Variants in THSD7B observed in about 807,000 individuals in gnomAD.
The protein encoded by THSD7B is thrombospondin type-1 domain-containing protein 7B.
THSD7B carries 138 observed loss-of-function variants against 213.6 expected under a neutral mutation model. The observed-to-expected ratio is 0.65, with a 90% CI of 0.56 to 0.74. The LOEUF (loss-of-function observed/expected upper bound fraction) is 0.74, where lower values mean the gene tolerates loss of function less well. Among genes scored for constraint, THSD7B ranks in the 30% least tolerant of loss-of-function variants. THSD7B has a pLI of 0.00. For synonymous variants in THSD7B, 742 were observed against 687.0 expected (o/e 1.08, Z -1.25); for missense variants, 1,931 against 1,991.5 (o/e 0.97, Z 0.58).
At chr2:137,236,354 A>G (rs1681763376) in intron 9 of THSD7B, among the ~76,000 whole-genome samples, 1 of 152,206 alleles carries the variant, frequency 6.6e-6, no homozygotes, top group Non-Finnish European at 1.5e-5. Flanking sequence ...TTTGGTTTCC[A>G]TGTAATTGTA....
intron 7 of THSD7B, among the ~76,000 whole-genome samples, chr2:137,190,530 AC>A (rs1388885004): frequency 2.0e-5 from 3 of 151,934 alleles, no homozygotes; most frequent in African/African-American, 7.3e-5. Flanking sequence ...CTTTTTCTGA[AC>A]CCATCGACTT....
intron 7 of THSD7B, among the ~76,000 whole-genome samples, chr2:137,197,282 A>G (rs1264577921): frequency 6.6e-6 from 1 of 152,158 alleles, no homozygotes; most frequent in African/African-American, 2.4e-5. Flanking sequence ...GCAGAGAGAG[A>G]TGGAGGAAGG....
intron 15 of THSD7B, among the ~76,000 whole-genome samples, chr2:137,493,285 C>T (rs1421543966): frequency 4.6e-5 from 7 of 152,106 alleles, no homozygotes; most frequent in East Asian, 1.9e-4. Flanking sequence ...TTACTGAAGA[C>T]GTTTCTTTAT....
Position 137,366,842 on chromosome 2 carries a change from T to C in THSD7B, c.2501-38771T>C, listed in dbSNP as rs1428190274. 2.6e-5 allele frequency among the ~76,000 whole-genome samples: 4 copies of C among 152,166 alleles called. No individual in the cohort carries two copies. In the East Asian group the frequency reaches 7.7e-4, roughly 29 times the overall value. On this transcript the variant is annotated intron_variant, in intron 12 of 27. Coordinates refer to ENST00000409968, the MANE Select transcript of THSD7B (RefSeq NM_001316349.2). ...ATAGCATTTCTATAACTATGTTTTC[T>C]CTTTCTGTTATTTCCTTTGCTATAA...
At chr2:137,005,521 A>G (rs1686087496) in intron 2 of THSD7B, among the ~76,000 whole-genome samples, 1 of 152,182 alleles carries the variant, frequency 6.6e-6, no homozygotes, top group South Asian at 2.1e-4. Flanking sequence ...TGTTGGCATT[A>G]CTGCAGGAAG....
At chr2:137,630,805 G>A (rs563653608) in intron 20 of THSD7B, among the ~76,000 whole-genome samples, 2 of 152,320 alleles carry the variant, frequency 1.3e-5, no homozygotes, top group East Asian at 3.9e-4. Flanking sequence ...ACAGGAAGAG[G>A]TAGAGTTTAT....
intron 13 of THSD7B, among the ~76,000 whole-genome samples, chr2:137,408,093 A>G (rs1573608174): frequency 4.6e-5 from 7 of 152,082 alleles, no homozygotes; most frequent in Admixed American, 3.9e-4. Flanking sequence ...TAATCAAAGT[A>G]AAGGATCACT....
At chr2:137,592,773 C>T (rs937097458) in intron 17 of THSD7B, among the ~76,000 whole-genome samples, 5 of 151,820 alleles carry the variant, frequency 3.3e-5, no homozygotes, top group Non-Finnish European at 7.4e-5. Context: ...AATTTTTTTA[C>T]TTCTTATATT....
chr2:137,647,404 G>T (rs987439984), intron 21 of THSD7B, among the ~76,000 whole-genome samples: 1 of 137,494 alleles, frequency 7.3e-6, no homozygotes, highest in South Asian at 2.2e-4. Context: ...TCCCTACTCC[G>T]ATCTCTCTCT....
At chr2:137,426,680 G>A (rs1390178393) in intron 14 of THSD7B, among the ~76,000 whole-genome samples, 2 of 152,104 alleles carry the variant, frequency 1.3e-5, no homozygotes, top group East Asian at 3.9e-4. Flanking sequence ...TTGAATGTAA[G>A]ACTTGAAGCA....
chr2:137,140,071 G>C (rs1297363161), intron 5 of THSD7B, among the ~76,000 whole-genome samples: 1 of 151,306 alleles, frequency 6.6e-6, no homozygotes, highest in South Asian at 2.1e-4. Flanking sequence ...GTTGAATGTT[G>C]CCTGTCCTAA....
At chr2:137,632,919 A>G (rs1043645148) in intron 20 of THSD7B, among the ~76,000 whole-genome samples, 1 of 152,156 alleles carries the variant, frequency 6.6e-6, no homozygotes, top group Non-Finnish European at 1.5e-5. Context: ...TCTAGGATAA[A>G]AGGGTATCCG....
chr2:137,551,698 A>C (rs942156086), intron 15 of THSD7B, among the ~76,000 whole-genome samples: 1 of 152,216 alleles, frequency 6.6e-6, no homozygotes, highest in African/African-American at 2.4e-5. Flanking sequence ...TTAATATCAA[A>C]ATTGAGAACA....
intron 26 of THSD7B, 82 bp downstream of exon 26, chr2:137,663,657 G>T (rs72844590): frequency 0.13 from 163,990 of 1,241,082 alleles, 12,304 homozygotes; most frequent in Non-Finnish European, 0.15. Context: ...TGGAAAGAAT[G>T]GAGGGAAGGA....
At chr2:137,596,119 TAA>T (rs1374331282) in intron 17 of THSD7B, among the ~76,000 whole-genome samples, 1 of 151,924 alleles carries the variant, frequency 6.6e-6, no homozygotes, top group Admixed American at 6.6e-5. Context: ...GGACAGCTGG[TAA>T]AAGTCATACA....
intron 12 of THSD7B, among the ~76,000 whole-genome samples, chr2:137,361,815 T>G (rs1685270117): frequency 6.6e-6 from 1 of 152,208 alleles, no homozygotes; most frequent in Admixed American, 6.5e-5. Context: ...CTCTTCAGGA[T>G]ATTATCCAGG....
chr2:137,610,903 G>A (rs1682276001), intron 17 of THSD7B, among the ~76,000 whole-genome samples: 1 of 151,202 alleles, frequency 6.6e-6, no homozygotes, highest in East Asian at 1.9e-4. Flanking sequence ...ATATTCTAGA[G>A]AGAAAAATAG....
intron 15 of THSD7B, among the ~76,000 whole-genome samples, chr2:137,489,998 A>G (rs754460397): frequency 2.6e-5 from 4 of 152,230 alleles, no homozygotes; most frequent in Non-Finnish European, 4.4e-5. Flanking sequence ...AAAATCCATC[A>G]GAGAAATCAA....
intron 6 of THSD7B, among the ~76,000 whole-genome samples, chr2:137,167,956 A>G (rs1680170373): frequency 6.6e-6 from 1 of 152,232 alleles, no homozygotes; most frequent in Non-Finnish European, 1.5e-5. Context: ...AATGACTCTG[A>G]AAGACTTCTG....
Sources: allele counts gnomAD v4.1 joint callset (sites outside exome capture counted in the v4.1 genomes callset), GRCh38; gene constraint gnomAD v4.1.1; transcripts MANE v1.5; gene names NCBI Gene and HGNC (gene_info 2026-07-23, HGNC 2026-07-21).